REDIC1: variants seen among roughly 807,000 people sequenced by gnomAD.
REDIC1 encodes regulator of DNA class I crossover intermediates 1, also known as HEI10 Interacting Protein 1.
the REDIC1 span, among the ~76,000 whole-genome samples, chr12:39,902,290 T>G: frequency 1.3e-5 from 2 of 151,616 alleles, no homozygotes; most frequent in African/African-American, 4.9e-5. Flanking sequence ...TGTATACATA[T>G]GTAACTAACC....
At chr12:39,728,462 A>G in the REDIC1 span, among the ~76,000 whole-genome samples, 2 of 152,168 alleles carry the variant, frequency 1.3e-5, no homozygotes, top group African/African-American at 4.8e-5. Context: ...TGATTTGCCT[A>G]TGTTAAACCA....
chr12:39,807,166 G>A, the REDIC1 span, among the ~76,000 whole-genome samples: 5 of 152,136 alleles, frequency 3.3e-5, no homozygotes, highest in African/African-American at 4.8e-5. Context: ...TAACTTTTGC[G>A]CCAACCTAGT....
chr12:39,712,101 CCTGTATAT>C, the REDIC1 span, among the ~76,000 whole-genome samples: 3 of 107,366 alleles, frequency 2.8e-5, no homozygotes, highest in Admixed American at 2.8e-4. Flanking sequence ...TACATATATA[CCTGTATAT>C]ATACCTGTAT....
chr12:39,667,650 A>G, the REDIC1 span, among the ~76,000 whole-genome samples: 1 of 152,108 alleles, frequency 6.6e-6, no homozygotes, highest in Non-Finnish European at 1.5e-5. Context: ...TGATCTGTCT[A>G]ATGTTGACAG....
chr12:39,812,769 G>T, the REDIC1 span, among the ~76,000 whole-genome samples: 6 of 151,106 alleles, frequency 4.0e-5, no homozygotes, highest in Admixed American at 6.6e-5. Context: ...ATTGCACCTG[G>T]CGGTTTCTAA....
chr12:39,641,812 G>C, the REDIC1 span, among the ~76,000 whole-genome samples: 2 of 151,686 alleles, frequency 1.3e-5, no homozygotes, highest in East Asian at 3.9e-4. Flanking sequence ...TATTATAAAA[G>C]CAGGATAGTG....
chr12:39,724,441 C>T, the REDIC1 span, among the ~76,000 whole-genome samples: 1 of 152,062 alleles, frequency 6.6e-6, no homozygotes, highest in African/African-American at 2.4e-5. Flanking sequence ...CCTTAAGTTG[C>T]TCACAATGGT....
the REDIC1 span, among the ~76,000 whole-genome samples, chr12:39,779,473 A>G: frequency 6.6e-6 from 1 of 152,152 alleles, no homozygotes; most frequent in African/African-American, 2.4e-5. Flanking sequence ...CATACCTATT[A>G]TCTTCCCTTT....
At chr12:39,745,647 TTTA>T in the REDIC1 span, among the ~76,000 whole-genome samples, 177 of 152,356 alleles carry the variant, frequency 1.2e-3, no homozygotes, top group African/African-American at 4.2e-3. Context: ...TTAATGATTT[TTTA>T]TTATTAGATT....
chr12:39,732,946 C>A, the REDIC1 span, among the ~76,000 whole-genome samples: 2 of 151,982 alleles, frequency 1.3e-5, no homozygotes, highest in Non-Finnish European at 2.9e-5. Flanking sequence ...AAAAACAGAC[C>A]ATTTCTCCAA....
At chr12:39,788,823 T>G in the REDIC1 span, among the ~76,000 whole-genome samples, 1 of 152,178 alleles carries the variant, frequency 6.6e-6, no homozygotes, top group African/African-American at 2.4e-5. Context: ...GAAGTTGCCC[T>G]GCAATCTAAA....
chr12:39,712,070 A>C, the REDIC1 span, among the ~76,000 whole-genome samples: 284 of 104,032 alleles, frequency 2.7e-3, no homozygotes, highest in East Asian at 3.9e-3. Flanking sequence ...ACATGTATAT[A>C]TACCGGTATG....
the REDIC1 span, among the ~76,000 whole-genome samples, chr12:39,726,155 T>TTCCTCC: frequency 1.3e-5 from 2 of 151,638 alleles, no homozygotes; most frequent in Admixed American, 1.3e-4. Flanking sequence ...CTTCCTCCTC[T>TTCCTCC]TCTTCTTCTT....
chr12:39,644,260 A>G, the REDIC1 span, among the ~76,000 whole-genome samples: 6 of 151,770 alleles, frequency 4.0e-5, no homozygotes, highest in African/African-American at 1.5e-4. Flanking sequence ...CAAATTAACT[A>G]TTCTTTACTA....
the REDIC1 span, among the ~76,000 whole-genome samples, chr12:39,880,023 CT>C: frequency 4.6e-5 from 7 of 152,126 alleles, no homozygotes; most frequent in African/African-American, 1.7e-4. Flanking sequence ...TCATTTAAAA[CT>C]GTGTGGCACC....
chr12:39,651,162 A>G, the REDIC1 span, among the ~76,000 whole-genome samples: 6 of 152,234 alleles, frequency 3.9e-5, no homozygotes, highest in South Asian at 4.1e-4. Context: ...TAGATTAACA[A>G]CAATAACTAA....
chr12:39,641,684 A>T, the REDIC1 span, among the ~76,000 whole-genome samples: 1 of 151,814 alleles, frequency 6.6e-6, no homozygotes, highest in Non-Finnish European at 1.5e-5. Context: ...GCAAAAGAAG[A>T]AACTCACAGA....
chr12:39,798,562 C>A, the REDIC1 span, among the ~76,000 whole-genome samples: 3 of 152,230 alleles, frequency 2.0e-5, no homozygotes, highest in Non-Finnish European at 2.9e-5. Flanking sequence ...AGCGCTTCAA[C>A]TGTTTCTAAC....
At chr12:39,773,062 G>C in the REDIC1 span, among the ~76,000 whole-genome samples, 1 of 152,182 alleles carries the variant, frequency 6.6e-6, no homozygotes, top group Non-Finnish European at 1.5e-5. Context: ...ATATCCTCAT[G>C]CTTTCCTGGC....
Sources: gnomAD v4.1 joint callset for allele counts (sites outside exome capture counted in the v4.1 genomes callset) on GRCh38, gnomAD v4.1.1 for gene constraint, MANE v1.5 for transcripts, NCBI Gene and HGNC (gene_info 2026-07-23, HGNC 2026-07-21) for gene names.